The following EVI5 variants were observed in gnomAD, a reference collection of about 807,000 sequenced individuals.
EVI5 encodes the protein ecotropic viral integration site 5 protein homolog.
In EVI5, 73 loss-of-function variants were observed where a neutral mutation model predicts 112.0. That is an observed-to-expected ratio of 0.65 (90% confidence interval 0.54 to 0.79). The LOEUF (loss-of-function observed/expected upper bound fraction) is 0.79. EVI5 is among the 30% of genes least tolerant of loss of function. The pLI is 0.00. For synonymous variants in EVI5, 305 were observed against 319.9 expected, an observed-to-expected ratio of 0.95 and a Z score of 0.50; for missense variants, 900 against 968.8, an observed-to-expected ratio of 0.93 and a Z score of 0.94.
intron 1 of EVI5, among the ~76,000 whole-genome samples, chr1:92,763,519 G>A (rs1164516938): frequency 1.3e-5 from 2 of 152,102 alleles, no homozygotes; most frequent in Admixed American, 6.5e-5. Context: ...GGAGGCTGAC[G>A]CAGGAGAATC....
At chr1:92,581,113 G>A (rs1250788178) in intron 18 of EVI5, among the ~76,000 whole-genome samples, 2 of 152,108 alleles carry the variant, frequency 1.3e-5, no homozygotes, top group Non-Finnish European at 2.9e-5. Flanking sequence ...TTCCAAGTAC[G>A]CTAATGATAT....
At chr1:92,753,733 T>C (rs973443891) in intron 1 of EVI5, among the ~76,000 whole-genome samples, 3 of 152,144 alleles carry the variant, frequency 2.0e-5, no homozygotes, top group Non-Finnish European at 4.4e-5. Flanking sequence ...TTACACCTAA[T>C]TTTGGAATCT....
intron 19 of EVI5, among the ~76,000 whole-genome samples, chr1:92,557,594 G>A (rs1027316914): frequency 1.3e-5 from 2 of 151,712 alleles, no homozygotes; most frequent in African/African-American, 4.8e-5. Flanking sequence ...CCACCATGAA[G>A]GGCTGTTTCT....
Position 92,781,816 on chromosome 1 carries a change from A to G in EVI5, c.-82+3020T>C, listed in dbSNP as rs1414169827. Reference sequence around the variant, plus strand: ...CTAAAGATACAAAAATTAGCTGGGCATGGTGGTGCTCATCTGTAGTTCCAG... The same window carrying G: ...CTAAAGATACAAAAATTAGCTGGGCGTGGTGGTGCTCATCTGTAGTTCCAG... On this transcript the variant is annotated intron_variant, in intron 1 of 19. Coordinates refer to ENST00000684568, the MANE Select transcript of EVI5 (RefSeq NM_001350197.2). Among the ~76,000 whole-genome samples the G allele has an allele frequency of 3.3e-5, 5 of 151,932 alleles. No homozygotes were observed. In the East Asian group the frequency reaches 7.7e-4, roughly 23 times the overall value.
chr1:92,531,976 TA>T (rs1662940805), intron 19 of EVI5, among the ~76,000 whole-genome samples: 1 of 152,178 alleles, frequency 6.6e-6, no homozygotes, highest in Admixed American at 6.6e-5. Context: ...ATGCCCCAAT[TA>T]AAAGACACAG....
chr1:92,685,311 A>G (rs1239744994), intron 9 of EVI5, among the ~76,000 whole-genome samples: 1 of 152,240 alleles, frequency 6.6e-6, no homozygotes, highest in Non-Finnish European at 1.5e-5. Flanking sequence ...ACTACTGGGT[A>G]CATAACAAAA....
rs1663031038 is a variant in EVI5 at position 92,532,454 on chromosome 1, C to T, written c.2167-18484G>A. Among the ~76,000 whole-genome samples the T allele has an allele frequency of 3.9e-5, 6 of 152,280 alleles. No individual in the cohort carries two copies. The South Asian group carries it at 1.2e-3, about 32-fold the overall frequency. On this transcript the variant is annotated intron_variant, in intron 19 of 19. Transcript: ENST00000684568. Reference sequence around the variant, plus strand: ...GCAGACCTAGTAGACATCTACAGAACTCTCCACTCCAAATCAACAGAATAT... The same window carrying T: ...GCAGACCTAGTAGACATCTACAGAATTCTCCACTCCAAATCAACAGAATAT...
At chr1:92,540,199 T>C (rs928492952) in intron 19 of EVI5, among the ~76,000 whole-genome samples, 1 of 152,230 alleles carries the variant, frequency 6.6e-6, no homozygotes, top group African/African-American at 2.4e-5. Flanking sequence ...CTTGGGTATA[T>C]ACCCAGGAGT....
chr1:92,743,463 T>G (rs1156530371), intron 1 of EVI5, among the ~76,000 whole-genome samples: 1 of 152,180 alleles, frequency 6.6e-6, no homozygotes, highest in Non-Finnish European at 1.5e-5. Flanking sequence ...GTGATTCCAC[T>G]TTTATGAGAT....
At chr1:92,550,121 G>A (rs1197203513) in intron 19 of EVI5, among the ~76,000 whole-genome samples, 2 of 152,072 alleles carry the variant, frequency 1.3e-5, no homozygotes, top group East Asian at 3.9e-4. Flanking sequence ...TGATAGACTG[G>A]ATTAAGAAAA....
At chr1:92,603,861 C>T (rs955532160) in intron 18 of EVI5, among the ~76,000 whole-genome samples, 3 of 151,856 alleles carry the variant, frequency 2.0e-5, no homozygotes, top group South Asian at 2.1e-4. Context: ...CCTAAGTAAC[C>T]GCGACTGGGA....
intron 1 of EVI5, among the ~76,000 whole-genome samples, chr1:92,774,333 T>C (rs1480084002): frequency 2.0e-5 from 3 of 152,214 alleles, no homozygotes; most frequent in Non-Finnish European, 4.4e-5. Flanking sequence ...TAATTAATCA[T>C]TAAAGCTACA....
At chr1:92,747,061 C>T (rs972669262) in intron 1 of EVI5, among the ~76,000 whole-genome samples, 51 of 152,264 alleles carry the variant, frequency 3.3e-4, no homozygotes, top group African/African-American at 1.1e-3. Flanking sequence ...ATATAGTCCA[C>T]AGGTTCCACA....
At chr1:92,559,566 G>C (rs1263523141) in intron 19 of EVI5, among the ~76,000 whole-genome samples, 1 of 151,920 alleles carries the variant, frequency 6.6e-6, no homozygotes, top group Non-Finnish European at 1.5e-5. Context: ...AAGGTTAGGA[G>C]TTCGAGACCA....
intron 18 of EVI5, among the ~76,000 whole-genome samples, chr1:92,566,791 T>A (rs904467147): frequency 6.7e-6 from 1 of 149,698 alleles, no homozygotes; most frequent in Admixed American, 6.7e-5. Context: ...CAGAGAATAA[T>A]GTGTGTGCCT....
Position 92,630,446 on chromosome 1 carries a change from T to G in EVI5, c.1528-4512A>C, listed in dbSNP as rs1557942050. ...ATGATGAGCATTTTTTCATGTGTCT[T>G]TTGGCTGCATAAGTGTCTTCTTTTG... On this transcript the variant is annotated intron_variant, in intron 14 of 19. Transcript: ENST00000684568. 7.2e-5 allele frequency among the ~76,000 whole-genome samples: 11 copies of G among 152,342 alleles called. No individual in the cohort carries two copies. The South Asian group carries it at 2.1e-3, about 29-fold the overall frequency.
chr1:92,789,495 G>A (rs1412475233), upstream of EVI5, among the ~76,000 whole-genome samples: 1 of 151,986 alleles, frequency 6.6e-6, no homozygotes, highest in Admixed American at 6.6e-5. Context: ...GTAGAAACGG[G>A]GTTTCACCAT....
At chr1:92,770,138 T>C (rs928548211) in intron 1 of EVI5, among the ~76,000 whole-genome samples, 2 of 152,194 alleles carry the variant, frequency 1.3e-5, no homozygotes, top group African/African-American at 4.8e-5. Flanking sequence ...AAACCAGCCC[T>C]GCTACAATCT....
At chr1:92,599,579 G>C (rs1648686147) in intron 18 of EVI5, among the ~76,000 whole-genome samples, 1 of 151,896 alleles carries the variant, frequency 6.6e-6, no homozygotes, top group Admixed American at 6.6e-5. Flanking sequence ...GAAACCTTAA[G>C]ACATCTACTG....
Sources: allele counts gnomAD v4.1 joint callset (sites outside exome capture counted in the v4.1 genomes callset), GRCh38; gene constraint gnomAD v4.1.1; transcripts MANE v1.5; gene names NCBI Gene and HGNC (gene_info 2026-07-23, HGNC 2026-07-21).